Variants in RIMS2 observed in about 807,000 individuals in gnomAD.
The protein encoded by RIMS2 is regulating synaptic membrane exocytosis protein 2.
Under a neutral mutation model 174.4 loss-of-function variants are expected in RIMS2, and 59 were observed. That is an observed-to-expected ratio of 0.34 (90% CI 0.27 to 0.42). The LOEUF (loss-of-function observed/expected upper bound fraction) is 0.42, where lower values mean the gene tolerates loss of function less well. Among genes scored for constraint, RIMS2 ranks in the 10% least tolerant of loss-of-function variants. RIMS2 has a pLI of 1.00. For missense variants in RIMS2, 1,620 were observed against 1,666.3 expected, an observed-to-expected ratio of 0.97 and a Z score of 0.48; for synonymous variants, 606 against 572.5, an observed-to-expected ratio of 1.06 and a Z score of -0.84.
intron 1 of RIMS2, among the ~76,000 whole-genome samples, chr8:103,696,745 C>T (rs1209049444): frequency 6.6e-6 from 1 of 151,334 alleles, no homozygotes; most frequent in Non-Finnish European, 1.5e-5. Flanking sequence ...TGCCTGTAGT[C>T]CTAGCTATTC....
chr8:103,514,160 T>C (rs986106609), intron 1 of RIMS2, among the ~76,000 whole-genome samples: 2 of 152,190 alleles, frequency 1.3e-5, no homozygotes, highest in African/African-American at 4.8e-5. Context: ...TTACATACAA[T>C]GGATGACTTA....
chr8:103,627,527 A>T (rs146201363), intron 1 of RIMS2, among the ~76,000 whole-genome samples: 1,532 of 152,354 alleles, frequency 0.01, 29 homozygotes, highest in African/African-American at 0.035. Context: ...TGAAATCTTC[A>T]CAATTTATGT....
At chr8:103,819,273 C>T (rs1201992387) in intron 3 of RIMS2, 4 of 1,331,638 alleles carry the variant, frequency 3.0e-6, no homozygotes, top group South Asian at 3.3e-5. Flanking sequence ...ATTCTTGCTA[C>T]AGTCAGGAGA....
At chr8:103,689,771 T>G (rs2096990186) in intron 1 of RIMS2, among the ~76,000 whole-genome samples, 5 of 152,198 alleles carry the variant, frequency 3.3e-5, no homozygotes, top group Admixed American at 3.3e-4. Context: ...CACAAAATAT[T>G]ATAACACTGT....
At chr8:104,151,090 T>C (rs2134086799) in intron 19 of RIMS2, among the ~76,000 whole-genome samples, 1 of 152,214 alleles carries the variant, frequency 6.6e-6, no homozygotes, top group East Asian at 1.9e-4. Flanking sequence ...AAGCCAGCCG[T>C]AATAAAGATA....
At chr8:103,850,657 A>G (rs1237617408) in intron 3 of RIMS2, among the ~76,000 whole-genome samples, 2 of 152,164 alleles carry the variant, frequency 1.3e-5, no homozygotes, top group Non-Finnish European at 1.5e-5. Context: ...TTGGATGACT[A>G]TGACTTTGTA....
At chr8:103,652,420 G>A (rs1047771988) in intron 1 of RIMS2, among the ~76,000 whole-genome samples, 183 bp downstream of exon 2, 1 of 152,170 alleles carries the variant, frequency 6.6e-6, no homozygotes, top group Non-Finnish European at 1.5e-5. Flanking sequence ...GTGACTGGAT[G>A]TAGTTTTTTG....
chr8:104,029,840 A>G (rs1007041662), intron 19 of RIMS2, among the ~76,000 whole-genome samples: 2 of 152,232 alleles, frequency 1.3e-5, no homozygotes, highest in African/African-American at 4.8e-5. Context: ...ACTCTGTAAC[A>G]CTTGTAAAAT....
intron 19 of RIMS2, among the ~76,000 whole-genome samples, chr8:104,122,507 G>A (rs2098389320): frequency 6.6e-6 from 1 of 152,116 alleles, no homozygotes; most frequent in South Asian, 2.1e-4. Context: ...AATGACATCA[G>A]TGCTCCTATT....
At chr8:103,912,300 T>A (rs2075820860) in intron 6 of RIMS2, 128 bp downstream of exon 9, 2 of 543,900 alleles carry the variant, frequency 3.7e-6, no homozygotes, top group South Asian at 8.0e-5. Flanking sequence ...TTTGTGAAGA[T>A]TCGCACTCAT....
At chr8:103,750,478 A>G (rs1460563027) in intron 2 of RIMS2, among the ~76,000 whole-genome samples, 3 of 152,142 alleles carry the variant, frequency 2.0e-5, no homozygotes, top group African/African-American at 2.4e-5. Flanking sequence ...TTGCAACTCA[A>G]TGGATAAATA....
chr8:103,535,890 A>G (rs961214758), intron 1 of RIMS2, among the ~76,000 whole-genome samples: 23 of 152,174 alleles, frequency 1.5e-4, no homozygotes, highest in African/African-American at 5.5e-4. Flanking sequence ...CAAAAAATCC[A>G]GGGGGAAGTT....
At chr8:104,060,349 T>C (rs2096960078) in intron 19 of RIMS2, among the ~76,000 whole-genome samples, 1 of 151,284 alleles carries the variant, frequency 6.6e-6, no homozygotes, top group Admixed American at 6.6e-5. Flanking sequence ...TTTTCTAGTT[T>C]ATTTGCATAG....
chr8:103,703,421 A>G (rs948937535), intron 2 of RIMS2, among the ~76,000 whole-genome samples: 2 of 152,078 alleles, frequency 1.3e-5, no homozygotes, highest in Non-Finnish European at 2.9e-5. Context: ...TATTCATAGT[A>G]GAGACAGGGT....
intron 20 of RIMS2, 44 bp from the exon 27 acceptor site, chr8:104,248,657 A>C (rs759179480): frequency 4.9e-6 from 5 of 1,025,724 alleles, no homozygotes; most frequent in Non-Finnish European, 6.2e-6. Flanking sequence ...CCTGAAAATA[A>C]ATAGGGGTTG....
At chr8:103,992,484 AG>A (rs778207728) in intron 17 of RIMS2, among the ~76,000 whole-genome samples, 6 of 151,806 alleles carry the variant, frequency 4.0e-5, no homozygotes, top group Non-Finnish European at 5.9e-5. Context: ...GAATGAATGT[AG>A]GGCATGAATT....
At chr8:103,532,527 A>G (rs1239459413) in intron 1 of RIMS2, among the ~76,000 whole-genome samples, 1 of 152,236 alleles carries the variant, frequency 6.6e-6, no homozygotes, top group African/African-American at 2.4e-5. Context: ...ACATGTTTAA[A>G]TGCTTTTAAA....
chr8:103,617,365 A>G (rs557301776), intron 1 of RIMS2, among the ~76,000 whole-genome samples: 26 of 152,346 alleles, frequency 1.7e-4, no homozygotes, highest in African/African-American at 6.0e-4. Context: ...TCAACTGAAG[A>G]TGGATTAAAG....
chr8:103,567,871 A>G (rs1355655808), intron 1 of RIMS2, among the ~76,000 whole-genome samples: 1 of 152,230 alleles, frequency 6.6e-6, no homozygotes, highest in African/African-American at 2.4e-5. Flanking sequence ...ATGAAGTAGT[A>G]TCCCACTGTG....
Sources: allele counts gnomAD v4.1 joint callset (sites outside exome capture counted in the v4.1 genomes callset), GRCh38; gene constraint gnomAD v4.1.1; transcripts MANE v1.5; gene names NCBI Gene and HGNC (gene_info 2026-07-23, HGNC 2026-07-21).